The following ALS2CL variants were observed in gnomAD, a reference collection of about 807,000 sequenced individuals.
ALS2CL encodes the protein ALS2 C-terminal-like protein.
In ALS2CL, 112 loss-of-function variants were observed where a neutral mutation model predicts 127.9. That is an observed-to-expected ratio of 0.88 (90% CI 0.75 to 1.02). The LOEUF is 1.02. Ranked by LOEUF, ALS2CL falls within the 50% of genes least tolerant of loss-of-function variation. ALS2CL has a pLI of 0.00. For missense variants in ALS2CL, 1,174 were observed against 1,236.7 expected (o/e 0.95, Z 0.76); for synonymous variants, 519 against 527.6 (o/e 0.98, Z 0.22).
intron 4 of ALS2CL, 110 bp downstream of exon 4, chr3:46,687,509 T>G: frequency 2.8e-4 from 344 of 1,236,670 alleles, no homozygotes; most frequent in Non-Finnish European, 3.6e-4. Context: ...TCCTCCAGGA[T>G]GAGTTGTGGG....
At chr3:46,683,906 C>T in intron 8 of ALS2CL, 58 bp from the exon 9 acceptor site, 1 of 1,613,360 alleles carries the variant, frequency 6.2e-7, no homozygotes, top group Non-Finnish European at 8.5e-7. Flanking sequence ...TGGAGGGGCC[C>T]AAGCCAGAGT....
At position 46,676,307 on chromosome 3, in the gene ALS2CL, G is replaced by A. The variant is rs544132462; in HGVS notation, c.2124C>T (p.His708=). The change falls in exon 19 of 26, where the codon CAC becomes CAT. Residue 708 remains histidine, a synonymous_variant. Transcript: ENST00000318962. The stretch of plus-strand genomic sequence containing the variant: ...CCTCCTCCTGGGCCAGCTCCTGCAG[G>A]TGCTTGTTGGCCCCGACACCTGCGT... The part of the protein sequence containing the change: ...ATYAGVGANK[H]LQELAQEEVK... The A allele has an allele frequency of 6.2e-7, 1 of 1,613,708 alleles. No individual in the cohort carries two copies. Among genetic ancestry groups the A allele is most frequent in the Admixed American group, 1.7e-5 (1 of 59,994 alleles).
chr3:46,681,295 A>C lies in ALS2CL; in HGVS notation c.1387T>G (p.Trp463Gly), dbSNP rs775126599. Residue 463 changes from tryptophan (W) to glycine (G), a missense_variant, in exon 13 of 26, where the codon TGG (tryptophan) becomes GGG (glycine). Transcript: ENST00000318962. The surrounding 1 kb of genome is among the most constrained non-coding windows in gnomAD (Gnocchi z 4.9). ...TAGCCGCTCCTCTGGCCCCTCTCCC[A>C]GTGGCCCGTGTACCTGAAGGGCTGG... Reference protein sequence around the residue: ...APQPFRYTGHWERGQRSGYGI... With the variant: ...APQPFRYTGHGERGQRSGYGI... The C allele has an allele frequency of 1.2e-5, 20 of 1,613,736 alleles. No individual in the cohort carries two copies. The highest frequency in any genetic ancestry group is 1.7e-5 in the Non-Finnish European group (20 of 1,179,938).
At chr3:46,675,313 G>A in intron 20 of ALS2CL, 1 of 374,638 alleles carries the variant, frequency 2.7e-6, no homozygotes, top group Middle Eastern at 7.7e-4. Context: ...CCCCATCTGT[G>A]TGCAGGGAGA....
chr3:46,686,704 G>A lies in ALS2CL; in HGVS notation c.535-265C>T, dbSNP rs572671971. ...GCTGGCTCTACCAGGGCAGGGCCAC[G>A]TGCCTCAGACACCGCAGGGAAGGGC... is the stretch of plus-strand genomic sequence containing the variant. On this transcript the variant is annotated intron_variant, in intron 5 of 25. Coordinates refer to ENST00000318962, the MANE Select transcript of ALS2CL (RefSeq NM_147129.5). The surrounding 1 kb of genome is among the most constrained non-coding windows in gnomAD (Gnocchi z 4.3). 3.3e-5 allele frequency among the ~76,000 whole-genome samples: 5 copies of A among 152,160 alleles called. No individual in the cohort carries two copies. The highest frequency in any genetic ancestry group is 2.1e-4 in the South Asian group (1 of 4,818).
At position 46,675,660 on chromosome 3, in the gene ALS2CL, C is replaced by T. The variant is rs554056115; in HGVS notation, c.2213G>A (p.Arg738His). ...YRGLLRVALE[R>H]KGQALEEDED... ...ATCCTCCTCCAGGGCCTGGCCCTTG[C>T]GCTCTAAGGCAACTCGCAGCAGACC... The change falls in exon 20 of 26, where the codon CGC (arginine) becomes CAC (histidine). Residue 738 changes from arginine to histidine, a missense_variant. Arg to His is a conservative substitution (Grantham distance 29, BLOSUM62 0). Transcript: ENST00000318962. 115 of 1,613,750 alleles carry T rather than the reference C, an allele frequency of 7.1e-5. No homozygotes were observed. Among genetic ancestry groups the T allele is most frequent in the South Asian group, 3.2e-4 (29 of 91,086 alleles).
At chr3:46,690,131 C>G (rs1575453153) in intron 1 of ALS2CL, among the ~76,000 whole-genome samples, 1 of 152,234 alleles carries the variant, frequency 6.6e-6, no homozygotes, top group Non-Finnish European at 1.5e-5. Flanking sequence ...CCAAGCAGCA[C>G]CCCAAAGGAC....
intron 7 of ALS2CL, 83 bp downstream of exon 7, chr3:46,685,442 G>C: frequency 6.4e-7 from 1 of 1,567,016 alleles, no homozygotes; most frequent in Non-Finnish European, 8.7e-7. Flanking sequence ...AGTCCCAGCA[G>C]CATGCCCCTT....
chr3:46,693,565 G>A (rs1413694097), intron 1 of ALS2CL, 78 bp downstream of exon 1: 1 of 152,404 alleles, frequency 6.6e-6, no homozygotes, highest in Non-Finnish European at 1.5e-5. Context: ...CCGAGGAGGC[G>A]GGAGCCCCCA....
Position 46,686,364 on chromosome 3 carries a change from A to G in ALS2CL, c.610T>C (p.Leu204=), listed in dbSNP as rs775717449. 5 of 1,613,396 alleles carry G rather than the reference A, an allele frequency of 3.1e-6. No homozygotes were observed. The highest frequency in any genetic ancestry group is 3.3e-5 in the Admixed American group (2 of 59,972). The change falls in exon 6 of 26, where the codon TTG becomes CTG. Residue 204 remains leucine, a synonymous_variant. Coordinates refer to ENST00000318962, the MANE Select transcript of ALS2CL (RefSeq NM_147129.5). This position sits in a 1 kb window ranked among gnomAD's most constrained non-coding sequence, Gnocchi z 4.3. ...GNLQSFMKQE[L]DQAVATQALW... ...GCCTGTGTGGCCACAGCCTGGTCCA[A>G]CTCCTGCTTCATGAAGGACTGCAGG...
intron 25 of ALS2CL, among the ~76,000 whole-genome samples, 178 bp downstream of exon 25, chr3:46,671,310 C>A (rs1559453562): frequency 6.6e-6 from 1 of 152,168 alleles, no homozygotes; most frequent in Non-Finnish European, 1.5e-5. Context: ...TGGGACCCCT[C>A]CCTGGCTCCT....
chr3:46,692,283 G>A (rs1700204252), intron 1 of ALS2CL, among the ~76,000 whole-genome samples: 1 of 152,138 alleles, frequency 6.6e-6, no homozygotes, highest in South Asian at 2.1e-4. Flanking sequence ...GCATGAGTGT[G>A]CACGTTTGCA....
rs1291534167 is a variant in ALS2CL at position 46,673,418 on chromosome 3, G to A, written c.2430-37C>T. On this transcript the variant is annotated intron_variant, in intron 21 of 25. Coordinates refer to ENST00000318962, the MANE Select transcript of ALS2CL (RefSeq NM_147129.5). The stretch of plus-strand genomic sequence containing the variant: ...AAAGTGAGACAGGAGGCTCTGCCTC[G>A]ACAAGGGGCAGAGTCTGAGGTCAGA... 1.9e-5 allele frequency: 30 copies of A among 1,548,194 alleles called. No individual in the cohort carries two copies. In the Admixed American group the frequency reaches 3.5e-4, roughly 18 times the overall value.
At chr3:46,692,315 A>T (rs1302102350) in intron 1 of ALS2CL, among the ~76,000 whole-genome samples, 1 of 151,986 alleles carries the variant, frequency 6.6e-6, no homozygotes, top group Admixed American at 6.5e-5. Context: ...GGAGGTGCTG[A>T]ACCTTAATAT....
chr3:46,678,385 T>TGA lies in ALS2CL; in HGVS notation c.1630_1631insTC (p.Lys544IlefsTer136), dbSNP rs752199253. On this transcript the variant is annotated frameshift_variant, in exon 16 of 26. Transcript: ENST00000318962. LOFTEE classifies it high-confidence loss of function. Reference sequence around the variant, plus strand: ...GGTGAAGCCATTGGGGAAGGTGACCTTGCCCTGGGAGCCAGGAGAAGGAGC... The same window carrying TGA: ...GGTGAAGCCATTGGGGAAGGTGACCTGATGCCCTGGGAGCCAGGAGAAGGAGC... 5.6e-6 allele frequency: 9 copies of TGA among 1,611,812 alleles called. No individual in the cohort carries two copies. Among genetic ancestry groups the TGA allele is most frequent in the Non-Finnish European group, 7.6e-6 (9 of 1,178,674 alleles).
At chr3:46,685,041 C>T (rs1336676731) in intron 7 of ALS2CL, among the ~76,000 whole-genome samples, 1 of 152,194 alleles carries the variant, frequency 6.6e-6, no homozygotes, top group Non-Finnish European at 1.5e-5. Context: ...GCCTGGCTCC[C>T]TTCTGACTTC....
Position 46,687,690 on chromosome 3 carries a change from G to T in ALS2CL, c.303-6C>A. On this transcript the variant is annotated splice_polypyrimidine_tract_variant and splice_region_variant and intron_variant, in intron 3 of 25. Transcript: ENST00000318962. Reference sequence around the variant, plus strand: ...TTGTGTAGGACTCAATGTACCTGCAGGCAGCACAGGGGACACCCTGCAAAC... The same window carrying T: ...TTGTGTAGGACTCAATGTACCTGCATGCAGCACAGGGGACACCCTGCAAAC... The T allele has an allele frequency of 6.2e-7, 1 of 1,611,322 alleles. No homozygotes were observed. Among genetic ancestry groups the T allele is most frequent in the African/African-American group, 1.3e-5 (1 of 74,990 alleles).
In ALS2CL at chr3:46,684,045, G is replaced by A; in HGVS notation, c.789C>T (p.Gly263=). 1 of 1,555,828 alleles carries A rather than the reference G, an allele frequency of 6.4e-7. No homozygotes were observed. The highest frequency in any genetic ancestry group is 2.4e-5 in the East Asian group (1 of 41,132). Residue 263 remains glycine (G), a splice_region_variant and synonymous_variant, in exon 8 of 26, where the codon GGC becomes GGT. Transcript: ENST00000318962. ...LFDDALVLLQ[G]HNVHTFDLKL... is the part of the protein sequence containing the mutation. ...TCAGATCAAAGGTGTGGACATTGTG[G>A]CCCTGGAAGAGGATGGACACAGGAG...
Position 46,671,599 on chromosome 3 carries a change from C to T in ALS2CL, c.2685-15G>A, listed in dbSNP as rs781268064. On this transcript the variant is annotated splice_polypyrimidine_tract_variant and intron_variant, in intron 24 of 25. Transcript: ENST00000318962. ...GGTGCTGAATTCTGGAGAACACCGCCCCACCAAGAGAGCGAGGGAGACAAG... is the reference window on the plus strand; with the variant it reads ...GGTGCTGAATTCTGGAGAACACCGCTCCACCAAGAGAGCGAGGGAGACAAG... 1.2e-6 allele frequency: 2 copies of T among 1,613,728 alleles called. No homozygotes were observed. Among genetic ancestry groups the T allele is most frequent in the Non-Finnish European group, 1.7e-6 (2 of 1,179,904 alleles).
Sources: allele counts gnomAD v4.1 joint callset (sites outside exome capture counted in the v4.1 genomes callset), GRCh38; gene constraint gnomAD v4.1.1; non-coding constraint Gnocchi (gnomAD v3.1); transcripts MANE v1.5; gene names NCBI Gene and HGNC (gene_info 2026-07-23, HGNC 2026-07-21).